ZMYND11: variants seen among roughly 807,000 people sequenced by gnomAD.
ZMYND11 encodes the protein zinc finger MYND domain-containing protein 11.
Under a neutral mutation model 84.9 loss-of-function variants are expected in ZMYND11, and 9 were observed. That is an observed-to-expected ratio of 0.11 (90% CI 0.06 to 0.18). ZMYND11 has a LOEUF of 0.18. Ranked by LOEUF, ZMYND11 falls within the 10% of genes least tolerant of loss-of-function variation. The probability of loss-of-function intolerance (pLI) is 1.00; values close to 1 mark genes in which losing one functional copy is unlikely to be tolerated. For synonymous variants in ZMYND11, 250 were observed against 244.1 expected, an observed-to-expected ratio of 1.02 and a Z score of -0.23; for missense variants, 409 against 761.0, an observed-to-expected ratio of 0.54 and a Z score of 5.44.
chr10:170,434 G>GTA (rs1376738685), intron 1 of ZMYND11, among the ~76,000 whole-genome samples: 2 of 125,074 alleles, frequency 1.6e-5, no homozygotes, highest in African/African-American at 3.0e-5. Flanking sequence ...ATGTGTGCGT[G>GTA]TGTGTGTGTG....
intron 2 of ZMYND11, among the ~76,000 whole-genome samples, chr10:196,067 G>C (rs1192558106): frequency 6.6e-6 from 1 of 152,124 alleles, no homozygotes; most frequent in East Asian, 1.9e-4. Flanking sequence ...CAGGTCTATT[G>C]ATGACCCATT....
chr10:216,941 A>G (rs1946281909), intron 3 of ZMYND11, among the ~76,000 whole-genome samples: 1 of 152,232 alleles, frequency 6.6e-6, no homozygotes, highest in South Asian at 2.1e-4. Context: ...CTAATGATAA[A>G]CAGAATTTGT....
intron 2 of ZMYND11, among the ~76,000 whole-genome samples, chr10:197,680 T>G (rs1332576377): frequency 6.6e-6 from 1 of 152,178 alleles, no homozygotes; most frequent in Admixed American, 6.5e-5. Context: ...AAAGAAATCT[T>G]TAGGGTTTTC....
At chr10:221,814 GT>G (rs546801007) in intron 4 of ZMYND11, among the ~76,000 whole-genome samples, 40 of 149,778 alleles carry the variant, frequency 2.7e-4, no homozygotes, top group Non-Finnish European at 4.5e-4. Flanking sequence ...TCATGAGTTT[GT>G]TTTTTTTTGC....
At chr10:226,198 A>T (rs1405475020) in intron 4 of ZMYND11, among the ~76,000 whole-genome samples, 1 of 152,218 alleles carries the variant, frequency 6.6e-6, no homozygotes, top group Non-Finnish European at 1.5e-5. Context: ...TTAAAGAAGC[A>T]TATAACTACT....
intron 10 of ZMYND11, among the ~76,000 whole-genome samples, chr10:245,284 A>G (rs1310948501): frequency 6.6e-6 from 1 of 152,192 alleles, no homozygotes; most frequent in African/African-American, 2.4e-5. Context: ...TTAGCATCTA[A>G]TGATATAGAT....
intron 1 of ZMYND11, among the ~76,000 whole-genome samples, chr10:150,930 C>T (rs1840178557): frequency 6.6e-6 from 1 of 152,176 alleles, no homozygotes; most frequent in Non-Finnish European, 1.5e-5. Context: ...GTTCTGCAGC[C>T]TCTGCTGCTG....
intron 1 of ZMYND11, among the ~76,000 whole-genome samples, chr10:146,597 T>C (rs1838910351): frequency 1.3e-5 from 2 of 152,200 alleles, no homozygotes; most frequent in South Asian, 4.1e-4. Flanking sequence ...TCTGTTCATA[T>C]ACTCCTAGGG....
At chr10:146,211 G>C (rs566014094) in intron 1 of ZMYND11, among the ~76,000 whole-genome samples, 1 of 152,144 alleles carries the variant, frequency 6.6e-6, no homozygotes, top group Admixed American at 6.5e-5. Context: ...TTATTTCTAG[G>C]TTCTCTATTC....
chr10:237,880 A>G (rs773380044), intron 6 of ZMYND11, among the ~76,000 whole-genome samples: 4 of 152,226 alleles, frequency 2.6e-5, no homozygotes, highest in Non-Finnish European at 5.9e-5. Flanking sequence ...TCTAATGCAA[A>G]TTAGGTGTCA....
intron 1 of ZMYND11, chr10:154,992 T>C (rs180740430): frequency 1.3e-5 from 2 of 152,360 alleles, no homozygotes; most frequent in African/African-American, 4.8e-5. Context: ...TTTCTCTCTC[T>C]TTCCAAGCTA....
At chr10:238,573 G>A (rs12777848) in intron 6 of ZMYND11, among the ~76,000 whole-genome samples, 5,062 of 152,132 alleles carry the variant, frequency 0.033, 138 homozygotes, top group Middle Eastern at 0.068. Flanking sequence ...AGCCAGGATG[G>A]TCTCGATCTC....
chr10:132,370 T>C (rs147007584), upstream of ZMYND11, among the ~76,000 whole-genome samples: 526 of 151,872 alleles, frequency 3.5e-3, 3 homozygotes, highest in African/African-American at 0.012. Context: ...GTGGAGTGGC[T>C]AGATCATGAC....
intron 2 of ZMYND11, among the ~76,000 whole-genome samples, chr10:209,464 C>G (rs551301485): frequency 2.8e-4 from 43 of 152,202 alleles, no homozygotes; most frequent in Non-Finnish European, 5.3e-4. Flanking sequence ...AAAAGTATTA[C>G]AAAATATGTT....
chr10:206,028 T>G (rs564697617), intron 2 of ZMYND11, among the ~76,000 whole-genome samples: 17 of 152,096 alleles, frequency 1.1e-4, no homozygotes, highest in South Asian at 4.1e-4. Context: ...TTTTTTTTTT[T>G]TTGTTTCAGA....
chr10:200,277 TATATA>T (rs1475896973), intron 2 of ZMYND11, among the ~76,000 whole-genome samples: 2 of 134,872 alleles, frequency 1.5e-5, no homozygotes, highest in Non-Finnish European at 3.1e-5. Context: ...TTATATATAA[TATATA>T]ATATGTATAA....
chr10:183,788 T>C (rs1006642231), intron 2 of ZMYND11, among the ~76,000 whole-genome samples: 1 of 152,240 alleles, frequency 6.6e-6, no homozygotes, highest in African/African-American at 2.4e-5. Context: ...ATGCTATCTT[T>C]GACCAGTTGG....
rs182961545 is a variant in ZMYND11, at chr10:186,368, C to T, written c.116+6240C>T. ...GTTTAAAAAAGAAATTCCGGCCGGGCGCCATGGCTCACGCCTGTAATCCCA... is the reference window on the plus strand; with the variant it reads ...GTTTAAAAAAGAAATTCCGGCCGGGTGCCATGGCTCACGCCTGTAATCCCA... On this transcript the variant is annotated intron_variant, in intron 2 of 14. Transcript: ENST00000381604. 1.1e-3 allele frequency among the ~76,000 whole-genome samples: 165 copies of T among 151,830 alleles called. 1 individual carries two copies. Among genetic ancestry groups the T allele is most frequent in the African/African-American group, 3.5e-3 (146 of 41,478 alleles).
At chr10:185,519 G>C (rs1938056319) in intron 2 of ZMYND11, among the ~76,000 whole-genome samples, 1 of 149,444 alleles carries the variant, frequency 6.7e-6, no homozygotes, top group Admixed American at 6.6e-5. Context: ...AGCGTGGTGG[G>C]GGTGGGGGCG....
Sources: gnomAD v4.1 joint callset for allele counts (sites outside exome capture counted in the v4.1 genomes callset) on GRCh38, gnomAD v4.1.1 for gene constraint, MANE v1.5 for transcripts, NCBI Gene and HGNC (gene_info 2026-07-23, HGNC 2026-07-21) for gene names.